STK3: variants seen among roughly 807,000 people sequenced by gnomAD.
The protein encoded by STK3 is serine/threonine kinase 3, also known as serine/threonine-protein kinase 3.
Under a neutral mutation model 58.0 loss-of-function variants are expected in STK3, and 41 were observed. The ratio of observed to expected loss-of-function variants is 0.71; its 90% CI spans 0.55 to 0.92. The LOEUF (loss-of-function observed/expected upper bound fraction) is 0.92, where lower values mean the gene tolerates loss of function less well. Ranked by LOEUF, STK3 falls within the 40% of genes least tolerant of loss-of-function variation. STK3 has a pLI of 0.00. For synonymous variants in STK3, 170 were observed against 191.0 expected (o/e 0.89, Z 0.91); for missense variants, 479 against 602.7 (o/e 0.79, Z 2.15).
chr8:98,897,590 G>C (rs1253817082), intron 1 of STK3, among the ~76,000 whole-genome samples: 4 of 152,006 alleles, frequency 2.6e-5, no homozygotes, highest in Non-Finnish European at 5.9e-5. Context: ...GCAAGACTCC[G>C]TCTCAAAAAC....
At chr8:98,362,836 T>G in the STK3 span, among the ~76,000 whole-genome samples, 1 of 152,150 alleles carries the variant, frequency 6.6e-6, no homozygotes, top group African/African-American at 2.4e-5. Context: ...CTTCCCTGGG[T>G]CTGCTCCCAC....
chr8:98,663,036 A>C (rs1274087891), intron 6 of STK3, among the ~76,000 whole-genome samples: 3 of 152,220 alleles, frequency 2.0e-5, no homozygotes, highest in Non-Finnish European at 4.4e-5. Flanking sequence ...AATGGGATCT[A>C]ATTAAATTAA....
At chr8:98,853,368 G>T (rs1836548265) in intron 3 of STK3, among the ~76,000 whole-genome samples, 1 of 152,208 alleles carries the variant, frequency 6.6e-6, no homozygotes, top group Non-Finnish European at 1.5e-5. Context: ...TGAGGCAGAA[G>T]TTGGTTCAGT....
At chr8:98,941,747 G>A (rs576618280) in intron 1 of STK3, among the ~76,000 whole-genome samples, 5 of 152,338 alleles carry the variant, frequency 3.3e-5, no homozygotes, top group African/African-American at 1.2e-4. Flanking sequence ...CCTTCATCCC[G>A]GCCTCCCGGG....
intron 4 of STK3, among the ~76,000 whole-genome samples, chr8:98,741,074 G>A (rs1427851131): frequency 1.3e-5 from 2 of 152,160 alleles, no homozygotes; most frequent in African/African-American, 2.4e-5. Context: ...ACCCAATACA[G>A]GAGCACCCAG....
chr8:98,812,599 T>C (rs1336260476), intron 1 of STK3, among the ~76,000 whole-genome samples: 2 of 152,214 alleles, frequency 1.3e-5, no homozygotes, highest in Non-Finnish European at 2.9e-5. Context: ...ATGTTTACTG[T>C]GGCACAATTC....
intron 6 of STK3, among the ~76,000 whole-genome samples, chr8:98,652,631 AG>A (rs1821055827): frequency 6.8e-6 from 1 of 147,304 alleles, no homozygotes; most frequent in South Asian, 2.3e-4. Flanking sequence ...AAAAGGATGG[AG>A]GAAGATCTAC....
At chr8:98,356,785 A>T in the STK3 span, among the ~76,000 whole-genome samples, 1 of 152,230 alleles carries the variant, frequency 6.6e-6, no homozygotes, top group African/African-American at 2.4e-5. Flanking sequence ...TTTCAACCCC[A>T]CAGCTGGAGT....
At chr8:98,421,189 G>C (rs563964141) in intron 3 of STK3, among the ~76,000 whole-genome samples, 170 of 152,308 alleles carry the variant, frequency 1.1e-3, no homozygotes, top group African/African-American at 4.0e-3. Context: ...GGGGATGGGG[G>C]CTTCAGTTCA....
At chr8:98,690,933 T>C (rs761192622) in intron 6 of STK3, among the ~76,000 whole-genome samples, 10 of 152,300 alleles carry the variant, frequency 6.6e-5, no homozygotes, top group South Asian at 4.1e-4. Context: ...CTGGAGGCCA[T>C]AGTCCTAAGC....
At chr8:98,493,034 C>T (rs1008363834) in intron 10 of STK3, among the ~76,000 whole-genome samples, 2 of 151,420 alleles carry the variant, frequency 1.3e-5, no homozygotes, top group Non-Finnish European at 2.9e-5. Flanking sequence ...AGTTTGAGAC[C>T]GGCCTGGGTA....
intron 3 of STK3, among the ~76,000 whole-genome samples, chr8:98,420,452 AT>A (rs1404302584): frequency 6.6e-6 from 1 of 152,224 alleles, no homozygotes; most frequent in African/African-American, 2.4e-5. Flanking sequence ...ATTAAACTTT[AT>A]CATAGGTATG....
intron 2 of STK3, among the ~76,000 whole-genome samples, chr8:98,434,484 C>T (rs1386343796): frequency 6.6e-6 from 1 of 152,220 alleles, no homozygotes; most frequent in Non-Finnish European, 1.5e-5. Context: ...CTAGCATTTC[C>T]ACCCAAGGCC....
intron 8 of STK3, among the ~76,000 whole-genome samples, chr8:98,566,533 A>G (rs1812495944): frequency 6.6e-6 from 1 of 152,180 alleles, no homozygotes; most frequent in African/African-American, 2.4e-5. Flanking sequence ...CCCTTAATGT[A>G]GCAGCGAATT....
intron 1 of STK3, among the ~76,000 whole-genome samples, chr8:98,382,565 G>T (rs1260671550): frequency 6.6e-6 from 1 of 150,756 alleles, no homozygotes; most frequent in East Asian, 2.0e-4. Flanking sequence ...TAAGATTGGA[G>T]GCGGGGGGAG....
intron 6 of STK3, among the ~76,000 whole-genome samples, chr8:98,648,770 T>C (rs1445914149): frequency 6.6e-6 from 1 of 151,994 alleles, no homozygotes; most frequent in Admixed American, 6.6e-5. Flanking sequence ...CACCCACCTG[T>C]AGTCCCAGCT....
intron 6 of STK3, among the ~76,000 whole-genome samples, chr8:98,600,171 C>T (rs567662626): frequency 6.6e-6 from 1 of 152,034 alleles, no homozygotes; most frequent in African/African-American, 2.4e-5. Flanking sequence ...ATTAATCTGG[C>T]CAAGAAAGGC....
At chr8:98,560,546 A>T (rs960069203) in intron 8 of STK3, among the ~76,000 whole-genome samples, 1 of 152,146 alleles carries the variant, frequency 6.6e-6, no homozygotes, top group Non-Finnish European at 1.5e-5. Context: ...GATCTAAATA[A>T]ATTGAGAAAC....
the STK3 span, among the ~76,000 whole-genome samples, chr8:98,352,359 C>A: frequency 6.6e-6 from 1 of 152,118 alleles, no homozygotes; most frequent in East Asian, 1.9e-4. Flanking sequence ...GTTGACTGAT[C>A]CTGCTTTCCC....
Sources: gnomAD v4.1 joint callset for allele counts (sites outside exome capture counted in the v4.1 genomes callset) on GRCh38, gnomAD v4.1.1 for gene constraint, MANE v1.5 for transcripts, NCBI Gene and HGNC (gene_info 2026-07-23, HGNC 2026-07-21) for gene names.